Variants in SCO1 observed in about 807,000 individuals in gnomAD.
The protein encoded by SCO1 is synthesis of cytochrome C oxidase 1.
A neutral mutation model predicts 34.0 loss-of-function variants in SCO1; 23 were observed. That is an observed-to-expected ratio of 0.68 (90% CI 0.49 to 0.96). The LOEUF is 0.96. SCO1 is among the 40% of genes least tolerant of loss of function. The probability of loss-of-function intolerance (pLI) is 0.00; values close to 1 mark genes in which losing one functional copy is unlikely to be tolerated. For synonymous variants in SCO1, 161 were observed against 145.5 expected, an observed-to-expected ratio of 1.11 and a Z score of -0.77; for missense variants, 404 against 381.6, an observed-to-expected ratio of 1.06 and a Z score of -0.49.
At chr17:10,691,400 C>T (rs1285485033) in intron 4 of SCO1, among the ~76,000 whole-genome samples, 6 of 152,252 alleles carry the variant, frequency 3.9e-5, no homozygotes, top group African/African-American at 1.4e-4. Flanking sequence ...GGATTACAGG[C>T]CCACCATGCC....
chr17:10,689,257 C>T (rs79089482), intron 4 of SCO1, among the ~76,000 whole-genome samples: 3,114 of 151,704 alleles, frequency 0.021, 119 homozygotes, highest in African/African-American at 0.069. Context: ...GTTTCAGTTA[C>T]AAAAGGCAAC....
chr17:10,695,498 T>A, intron 2 of SCO1: 1 of 453,618 alleles, frequency 2.2e-6, no homozygotes, highest in East Asian at 4.3e-5. Context: ...CCAAATACAA[T>A]CTGTAATTTA....
chr17:10,680,698 A>C lies in SCO1; in HGVS notation c.*421T>G. ...AACTCAAGAAGAGGCAAGCAAGAGCACTATGGAAATTATATTCTTTTCTGT... is the reference window on the plus strand; with the variant it reads ...AACTCAAGAAGAGGCAAGCAAGAGCCCTATGGAAATTATATTCTTTTCTGT... On this transcript the variant is annotated 3_prime_UTR_variant, in exon 6 of 6. Coordinates refer to ENST00000255390, the MANE Select transcript of SCO1 (RefSeq NM_004589.4). 1 of 238,418 alleles carries C rather than the reference A, an allele frequency of 4.2e-6. No homozygotes were observed. The highest frequency in any genetic ancestry group is 8.4e-6 in the Non-Finnish European group (1 of 119,494). 14.8% of individuals were successfully genotyped at this position (238,418 alleles called of 1,614,324 possible).
At chr17:10,681,307 T>A in intron 5 of SCO1, 54 bp from the exon 6 acceptor site, 1 of 1,574,416 alleles carries the variant, frequency 6.4e-7, no homozygotes, top group African/African-American at 1.3e-5. Context: ...AAGCTGCTTA[T>A]TTTACTGAAT....
chr17:10,686,360 G>A (rs984555161), intron 5 of SCO1, among the ~76,000 whole-genome samples: 10 of 151,998 alleles, frequency 6.6e-5, no homozygotes, highest in Non-Finnish European at 7.4e-5. Context: ...AGGCTGAGGC[G>A]GGTAAGGTCA....
rs1397651609 is a variant in SCO1 at position 10,681,227 on chromosome 17, C to G, written c.798G>C (p.Leu266Phe). ...YIVDHTIIMYLIGPDGEFLDY... is the reference protein window; with the variant it reads ...YIVDHTIIMYFIGPDGEFLDY... ...CTAGAAACTCACCATCTGGTCCAATCAAGTACATTATTATTGTGTGATCCA... is the reference window on the plus strand; with the variant it reads ...CTAGAAACTCACCATCTGGTCCAATGAAGTACATTATTATTGTGTGATCCA... The change falls in exon 6 of 6, where the codon TTG becomes TTC. Residue 266 changes from leucine to phenylalanine, a missense_variant. By Grantham distance (22) the Leu-to-Phe change is conservative (BLOSUM62 0). Transcript: ENST00000255390. The G allele has an allele frequency of 1.2e-6, 2 of 1,614,122 alleles. No individual in the cohort carries two copies. Among genetic ancestry groups the G allele is most frequent in the East Asian group, 2.2e-5 (1 of 44,870 alleles).
At chr17:10,696,952 ATTT>A (rs57744268) in intron 1 of SCO1, among the ~76,000 whole-genome samples, 16 of 146,346 alleles carry the variant, frequency 1.1e-4, no homozygotes, top group African/African-American at 3.8e-4. Context: ...CTGAAACTTA[ATTT>A]TTTTTTTTTT....
rs66743848 is a variant in SCO1, at chr17:10,673,355, GTCAA to G, written c.*7760_*7763del. 68,432 of 151,012 alleles carry G rather than the reference GTCAA, an allele frequency of 0.45. 15,607 individuals carry two copies. Among genetic ancestry groups the G allele is most frequent in the East Asian group, 0.54 (2,776 of 5,142 alleles). The allele number at this position is 151,012 out of a possible 1,614,324, so 9.4% of individuals were successfully genotyped here. On this transcript the variant is annotated 3_prime_UTR_variant, in exon 6 of 6. Transcript: ENST00000255390. ...ATAGGTATTCCGCAATGTTGACGTCGTCAATCAATCAGTGAATGACTGTCTTGTG... is the reference window on the plus strand; with the variant it reads ...ATAGGTATTCCGCAATGTTGACGTCGTCAATCAGTGAATGACTGTCTTGTG...
intron 4 of SCO1, among the ~76,000 whole-genome samples, chr17:10,689,939 C>T (rs532337231): frequency 3.5e-4 from 53 of 152,076 alleles, no homozygotes; most frequent in African/African-American, 1.2e-3. Context: ...CAAAAACATA[C>T]GCTGGGGAAA....
rs1196551731 is a variant in SCO1 at position 10,673,072 on chromosome 17, C to G, written c.*8047G>C. ...AGGCTGGAGTGCAGTGGCATGACCT[C>G]AGCTCAGTGCAATCTCTGCCTCCCG... On this transcript the variant is annotated 3_prime_UTR_variant, in exon 6 of 6. Transcript: ENST00000255390. 6.6e-6 allele frequency: 1 copy of G among 150,582 alleles called. No individual in the cohort carries two copies. The highest frequency in any genetic ancestry group is 2.4e-5 in the African/African-American group (1 of 40,874). The allele number at this position is 150,582 out of a possible 1,614,324, so 9.3% of individuals were successfully genotyped here. A position where few individuals can be genotyped will look rare whatever the true frequency, so the allele number is the denominator to read the frequency against.
intron 1 of SCO1, 143 bp from the exon 2 acceptor site, chr17:10,695,974 C>CA: frequency 1.6e-6 from 1 of 616,374 alleles, no homozygotes; most frequent in Non-Finnish European, 2.9e-6. Context: ...TGAGAAAATG[C>CA]TCAAAGTTTC....
chr17:10,674,785 C>T lies in SCO1; in HGVS notation c.*6334G>A, dbSNP rs1324635109. On this transcript the variant is annotated 3_prime_UTR_variant, in exon 6 of 6. Coordinates refer to ENST00000255390, the MANE Select transcript of SCO1 (RefSeq NM_004589.4). ...CTCACAGGCATCTACAGAGCTCAGC[C>T]TTGGCCCCTTACCTTTGCATCATCC... is the stretch of plus-strand genomic sequence containing the variant. The T allele has an allele frequency of 6.6e-6, 1 of 152,330 alleles. No homozygotes were observed. The highest frequency in any genetic ancestry group is 6.5e-5 in the Admixed American group (1 of 15,284). 9.4% of individuals were successfully genotyped at this position (152,330 alleles called of 1,614,324 possible).
chr17:10,697,203 G>T, intron 1 of SCO1, 32 bp downstream of exon 1: 1 of 1,488,370 alleles, frequency 6.7e-7, no homozygotes. Flanking sequence ...CAGCCGCGAC[G>T]AGCACCAGAA....
At chr17:10,694,554 CTT>C (rs2074710405) in intron 2 of SCO1, among the ~76,000 whole-genome samples, 1 of 152,146 alleles carries the variant, frequency 6.6e-6, no homozygotes, top group South Asian at 2.1e-4. Flanking sequence ...AGAAAAGGTC[CTT>C]GTTTGTAGGA....
At chr17:10,689,133 A>AAAAAG (rs2074675611) in intron 4 of SCO1, among the ~76,000 whole-genome samples, 1 of 151,102 alleles carries the variant, frequency 6.6e-6, no homozygotes, top group Non-Finnish European at 1.5e-5. Context: ...AAAAAAAAAA[A>AAAAAG]AAGAAAGCAG....
chr17:10,690,017 C>T (rs1370186846), intron 4 of SCO1, among the ~76,000 whole-genome samples: 1 of 152,112 alleles, frequency 6.6e-6, no homozygotes, highest in Non-Finnish European at 1.5e-5. Flanking sequence ...GAAACTAGAT[C>T]CCTATTTTTA....
At position 10,686,862 on chromosome 17, in the gene SCO1, G is replaced by C. The variant is rs375940362; in HGVS notation, c.656-20C>G. 2.6e-5 allele frequency: 39 copies of C among 1,523,498 alleles called. No homozygotes were observed. In the African/African-American group the frequency reaches 4.6e-4, roughly 18 times the overall value. The allele number at this position is 1,523,498 out of a possible 1,614,324, so 94.4% of individuals were successfully genotyped here. Reference sequence around the variant, plus strand: ...AAAATTCTAAATAAAAAATGAGAGAGACAGTGAAAAATGAGAAGCCAGTAA... The same window carrying C: ...AAAATTCTAAATAAAAAATGAGAGACACAGTGAAAAATGAGAAGCCAGTAA... On this transcript the variant is annotated intron_variant, in intron 4 of 5. Coordinates refer to ENST00000255390, the MANE Select transcript of SCO1 (RefSeq NM_004589.4).
At chr17:10,683,021 T>A (rs905695090) in intron 5 of SCO1, among the ~76,000 whole-genome samples, 2 of 152,208 alleles carry the variant, frequency 1.3e-5, no homozygotes, top group African/African-American at 4.8e-5. Context: ...GCAAGTTACG[T>A]TTTAGTGTGA....
chr17:10,696,201 T>G (rs1310257577), intron 1 of SCO1, among the ~76,000 whole-genome samples: 3 of 151,482 alleles, frequency 2.0e-5, no homozygotes, highest in African/African-American at 7.3e-5. Flanking sequence ...TCCCAGCACT[T>G]TGGGAGGCGG....
Sources: allele counts gnomAD v4.1 joint callset (sites outside exome capture counted in the v4.1 genomes callset), GRCh38; gene constraint gnomAD v4.1.1; transcripts MANE v1.5; gene names NCBI Gene and HGNC (gene_info 2026-07-23, HGNC 2026-07-21).